FRMD4B: variants seen among roughly 807,000 people sequenced by gnomAD.
FRMD4B encodes the protein FERM domain containing 4B.
FRMD4B carries 74 observed loss-of-function variants against 141.5 expected under a neutral mutation model. The ratio of observed to expected loss-of-function variants is 0.52; its 90% CI spans 0.43 to 0.63. FRMD4B has a LOEUF of 0.63. FRMD4B is among the 30% of genes least tolerant of loss of function. FRMD4B has a pLI of 0.00. For synonymous variants in FRMD4B, 506 were observed against 467.9 expected, an observed-to-expected ratio of 1.08 and a Z score of -1.05; for missense variants, 1,366 against 1,253.4, an observed-to-expected ratio of 1.09 and a Z score of -1.36.
At chr3:69,336,811 G>C (rs1012244816) in intron 1 of FRMD4B, among the ~76,000 whole-genome samples, 1 of 152,166 alleles carries the variant, frequency 6.6e-6, no homozygotes, top group Non-Finnish European at 1.5e-5. Flanking sequence ...GGGCATGGTG[G>C]CGCATGCCTG....
chr3:69,504,130 CAT>C (rs1430898320), intron 1 of FRMD4B, among the ~76,000 whole-genome samples: 1 of 152,160 alleles, frequency 6.6e-6, no homozygotes, highest in African/African-American at 2.4e-5. Context: ...TATACACACA[CAT>C]ATTTTGCATA....
chr3:69,537,801 G>C (rs1028965818), intron 1 of FRMD4B, among the ~76,000 whole-genome samples: 1 of 152,192 alleles, frequency 6.6e-6, no homozygotes, highest in African/African-American at 2.4e-5. Context: ...TCAAAAAGAA[G>C]AGAAATCAGC....
At chr3:69,518,070 C>A (rs924871781) in intron 1 of FRMD4B, among the ~76,000 whole-genome samples, 4 of 152,072 alleles carry the variant, frequency 2.6e-5, no homozygotes, top group Admixed American at 2.0e-4. Flanking sequence ...TGGGCTACTC[C>A]TTTTTTAAGC....
intron 7 of FRMD4B, among the ~76,000 whole-genome samples, chr3:69,234,107 C>T (rs953106306): frequency 6.6e-6 from 1 of 151,870 alleles, no homozygotes; most frequent in Non-Finnish European, 1.5e-5. Flanking sequence ...TTAGCTGGGC[C>T]TGGTGGCGCG....
chr3:69,444,294 C>T lies in FRMD4B; in HGVS notation c.-128-11533G>A, dbSNP rs80351995. On this transcript the variant is annotated intron_variant, in intron 1 of 5. Transcript: ENST00000459638. ...CAGTGAATTGGGTTTATCTGTGCAG[C>T]GGGCAAGAAGAACACATTTGGGTGA... Among the ~76,000 whole-genome samples, 25 of 152,172 alleles carry T rather than the reference C, an allele frequency of 1.6e-4. No homozygotes were observed. The East Asian group carries it at 4.3e-3, about 26-fold the overall frequency.
intron 1 of FRMD4B, 59 bp from the exon 2 acceptor site, chr3:69,313,576 G>T (rs1256242370): frequency 9.9e-7 from 1 of 1,008,296 alleles, no homozygotes; most frequent in Non-Finnish European, 1.5e-6. Context: ...CAAACCTTTG[G>T]ACTCGTTGTA....
intron 1 of FRMD4B, among the ~76,000 whole-genome samples, chr3:69,476,518 A>G (rs1706002097): frequency 1.3e-5 from 2 of 152,210 alleles, no homozygotes; most frequent in Admixed American, 1.3e-4. Flanking sequence ...AGTTGTAGAT[A>G]TGTGGCATTA....
chr3:69,359,107 G>C (rs1383812822), intron 1 of FRMD4B, among the ~76,000 whole-genome samples: 4 of 152,188 alleles, frequency 2.6e-5, no homozygotes, highest in Non-Finnish European at 4.4e-5. Context: ...TAAGTGGTGG[G>C]GGAACAGCAG....
intron 21 of FRMD4B, among the ~76,000 whole-genome samples, 194 bp downstream of exon 21, chr3:69,180,705 A>G (rs1051911470): frequency 6.6e-6 from 1 of 152,164 alleles, no homozygotes; most frequent in Non-Finnish European, 1.5e-5. Flanking sequence ...CATTAGACTC[A>G]TGTGTACTGA....
intron 1 of FRMD4B, among the ~76,000 whole-genome samples, chr3:69,496,080 TAA>T (rs1271158625): frequency 2.6e-5 from 4 of 152,194 alleles, no homozygotes; most frequent in Non-Finnish European, 2.9e-5. Flanking sequence ...CAGTAAACAT[TAA>T]GTTAATCTTC....
At chr3:69,299,014 T>TGAATG (rs1448187189) in intron 4 of FRMD4B, among the ~76,000 whole-genome samples, 3 of 152,108 alleles carry the variant, frequency 2.0e-5, no homozygotes, top group South Asian at 4.2e-4. Context: ...ATTTATCAGA[T>TGAATG]GAATGGACAA....
intron 1 of FRMD4B, among the ~76,000 whole-genome samples, chr3:69,507,087 C>T (rs1044822983): frequency 1.3e-4 from 20 of 152,044 alleles, no homozygotes; most frequent in African/African-American, 4.6e-4. Context: ...CCAAGATGGG[C>T]GAAGAATCAA....
At chr3:69,447,760 T>G (rs958362858) in intron 1 of FRMD4B, among the ~76,000 whole-genome samples, 1 of 152,214 alleles carries the variant, frequency 6.6e-6, no homozygotes, top group African/African-American at 2.4e-5. Context: ...TACGTATTAC[T>G]TTTTCTAGAA....
At chr3:69,496,576 A>G (rs1706391459) in intron 1 of FRMD4B, among the ~76,000 whole-genome samples, 1 of 150,846 alleles carries the variant, frequency 6.6e-6, no homozygotes, top group South Asian at 2.1e-4. Flanking sequence ...AAGCCAGCAT[A>G]AAGAAGAGTA....
At chr3:69,203,854 A>G (rs4855364) in intron 11 of FRMD4B, among the ~76,000 whole-genome samples, 108,611 of 152,136 alleles carry the variant, frequency 0.71, 40,456 homozygotes, top group Non-Finnish European at 0.82. Flanking sequence ...GCAGTCACTT[A>G]ATAGCAGAAA....
chr3:69,253,249 G>A (rs2093474874), intron 5 of FRMD4B, among the ~76,000 whole-genome samples: 2 of 129,338 alleles, frequency 1.5e-5, no homozygotes, highest in South Asian at 5.5e-4. Context: ...GAAGTGTAAT[G>A]TCCAATCCCC....
At chr3:69,479,090 C>T (rs1706065171) in intron 1 of FRMD4B, among the ~76,000 whole-genome samples, 1 of 140,768 alleles carries the variant, frequency 7.1e-6, no homozygotes, top group African/African-American at 2.8e-5. Context: ...TATTTTGAGC[C>T]TATGTGTGTC....
chr3:69,298,338 T>A (rs1701100335), intron 4 of FRMD4B, among the ~76,000 whole-genome samples: 1 of 152,248 alleles, frequency 6.6e-6, no homozygotes, highest in South Asian at 2.1e-4. Context: ...CCAGTGAATG[T>A]GTAGTGAGTG....
At chr3:69,263,122 T>C (rs970699465) in intron 5 of FRMD4B, among the ~76,000 whole-genome samples, 1 of 151,944 alleles carries the variant, frequency 6.6e-6, no homozygotes, top group African/African-American at 2.4e-5. Flanking sequence ...CCAGGCATGG[T>C]GGCAGGCAGC....
Sources: gnomAD v4.1 joint callset for allele counts (sites outside exome capture counted in the v4.1 genomes callset) on GRCh38, gnomAD v4.1.1 for gene constraint, MANE v1.5 for transcripts, NCBI Gene and HGNC (gene_info 2026-07-23, HGNC 2026-07-21) for gene names.